Variants in GIMAP4 observed in about 807,000 individuals in gnomAD.
GIMAP4 encodes GTPase, IMAP family member 4.
In GIMAP4, 12 loss-of-function variants were observed where a neutral mutation model predicts 10.8. The ratio of observed to expected loss-of-function variants is 1.11; its 90% confidence interval spans 0.71 to 1.81. GIMAP4 has a LOEUF of 1.81. Among genes scored for constraint, GIMAP4 ranks in the 40% most tolerant of loss-of-function variants. The probability of loss-of-function intolerance (pLI) is 0.00; values close to 1 mark genes in which losing one functional copy is unlikely to be tolerated. For synonymous variants in GIMAP4, 149 were observed against 147.2 expected (o/e 1.01, Z -0.09); for missense variants, 412 against 404.6 (o/e 1.02, Z -0.16).
chr7:150,572,321 T>C lies in GIMAP4; in HGVS notation c.251T>C (p.Val84Ala). 1 of 1,614,124 alleles carries C rather than the reference T, an allele frequency of 6.2e-7. No homozygotes were observed. The highest frequency in any genetic ancestry group is 2.2e-5 in the East Asian group (1 of 44,876). ...SSWKETELVV[V>A]DTPGIFDTEV... is the part of the protein sequence containing the mutation. ...TGGAAGGAAACAGAACTTGTCGTAG[T>C]TGACACACCAGGCATTTTCGACACA... Residue 84 changes from valine (V) to alanine (A), a missense_variant, in exon 3 of 3, where the codon GTT (valine) becomes GCT (alanine). Physicochemically the swap from Val to Ala is moderately conservative, Grantham distance 64. Coordinates refer to ENST00000255945, the MANE Select transcript of GIMAP4 (RefSeq NM_018326.3).
intron 1 of GIMAP4, 92 bp from the exon 2 acceptor site, chr7:150,569,796 C>T (rs961793908): frequency 2.9e-6 from 2 of 691,860 alleles, no homozygotes; most frequent in African/African-American, 1.8e-5. Context: ...AAGCTCATGG[C>T]AAAAAGAAAG....
At chr7:150,570,379 T>G (rs1795715203) in intron 2 of GIMAP4, among the ~76,000 whole-genome samples, 1 of 152,178 alleles carries the variant, frequency 6.6e-6, no homozygotes, top group South Asian at 2.1e-4. Flanking sequence ...CACCCTGGTA[T>G]CTAATTTCCC....
chr7:150,570,040 G>A, intron 2 of GIMAP4, 81 bp downstream of exon 2: 1 of 731,312 alleles, frequency 1.4e-6, no homozygotes, highest in Non-Finnish European at 2.4e-6. Context: ...GGGGAATAGG[G>A]GTGGGGTTCT....
At position 150,573,661 on chromosome 7, in the gene GIMAP4, A is replaced by T. The variant is rs1439476734; in HGVS notation, c.*601A>T. ...TGGAAAATCGATCTCTACAAATTCAATTAAATAATGATCCCCAAATGCTGA... is the reference window on the plus strand; with the variant it reads ...TGGAAAATCGATCTCTACAAATTCATTTAAATAATGATCCCCAAATGCTGA... On this transcript the variant is annotated 3_prime_UTR_variant, in exon 3 of 3. Transcript: ENST00000255945. The T allele has an allele frequency of 1.3e-5, 2 of 152,300 alleles. No homozygotes were observed. The highest frequency in any genetic ancestry group is 2.4e-5 in the African/African-American group (1 of 41,460). The allele number at this position is 152,300 out of a possible 1,614,324, so 9.4% of individuals were successfully genotyped here.
At chr7:150,571,720 G>C (rs925060537) in intron 2 of GIMAP4, among the ~76,000 whole-genome samples, 1 of 152,224 alleles carries the variant, frequency 6.6e-6, no homozygotes, top group Non-Finnish European at 1.5e-5. Flanking sequence ...GGCAGAGGTT[G>C]TAGTGAGCCG....
chr7:150,572,782 C>A lies in GIMAP4; in HGVS notation c.712C>A (p.Gln238Lys), dbSNP rs1283606716. 1 of 1,613,954 alleles carries A rather than the reference C, an allele frequency of 6.2e-7. No homozygotes were observed. Among genetic ancestry groups the A allele is most frequent in the African/African-American group, 1.3e-5 (1 of 74,880 alleles). The change falls in exon 3 of 3, where the codon CAA becomes AAA. Residue 238 changes from glutamine (Q) to lysine (K), a missense_variant. Physicochemically the swap from Gln to Lys is moderately conservative, Grantham distance 53 (BLOSUM62 1). Transcript: ENST00000255945. ...GGAGGAGGAGATCCAGAAGCAAACACAAGCAATGCAAGAACTCCACAGAGT... is the reference window on the plus strand; with the variant it reads ...GGAGGAGGAGATCCAGAAGCAAACAAAAGCAATGCAAGAACTCCACAGAGT... ...RAEEEIQKQT[Q>K]AMQELHRVEL...
chr7:150,568,338 TAAAGAAATAGTCATTCA>T (rs1795688669), intron 1 of GIMAP4, among the ~76,000 whole-genome samples: 1 of 116,098 alleles, frequency 8.6e-6, no homozygotes, highest in Admixed American at 7.7e-5. Flanking sequence ...TCTTGAAGGA[TAAAGAAATAGTCATTCA>T]AAAGAAATAT....
Position 150,572,937 on chromosome 7 carries a change from C to T in GIMAP4, c.867C>T (p.His289=). 4 of 1,613,970 alleles carry T rather than the reference C, an allele frequency of 2.5e-6. No individual in the cohort carries two copies. Among genetic ancestry groups the T allele is most frequent in the Non-Finnish European group, 3.4e-6 (4 of 1,179,830 alleles). The part of the protein sequence containing the change: ...MEKKLAEQEA[H]YAVRQQRART... Reference sequence around the variant, plus strand: ...AGAAACTAGCAGAACAGGAGGCTCACTATGCTGTAAGGCAGCAAAGGGCAA... The same window carrying T: ...AGAAACTAGCAGAACAGGAGGCTCATTATGCTGTAAGGCAGCAAAGGGCAA... The change falls in exon 3 of 3, where the codon CAC becomes CAT. Residue 289 remains histidine, a synonymous_variant. Transcript: ENST00000255945.
In GIMAP4 at chr7:150,572,954, A is replaced by C; in HGVS notation, c.884A>C (p.Gln295Pro). Residue 295 changes from glutamine to proline, a missense_variant, in exon 3 of 3, where the codon CAA (glutamine) becomes CCA (proline). Physicochemically the swap from Gln to Pro is moderately conservative, Grantham distance 76 (BLOSUM62 -1). Transcript: ENST00000255945. ...GAGGCTCACTATGCTGTAAGGCAGCAAAGGGCAAGAACGGAAGTGGAGAGT... is the reference window on the plus strand; with the variant it reads ...GAGGCTCACTATGCTGTAAGGCAGCCAAGGGCAAGAACGGAAGTGGAGAGT... ...EQEAHYAVRQ[Q>P]RARTEVESKD... The C allele has an allele frequency of 2.5e-6, 4 of 1,614,008 alleles. No homozygotes were observed. Among genetic ancestry groups the C allele is most frequent in the Non-Finnish European group, 3.4e-6 (4 of 1,179,824 alleles).
rs1428207412 is a variant in GIMAP4, at chr7:150,573,881, C to T, written c.*821C>T. On this transcript the variant is annotated 3_prime_UTR_variant, in exon 3 of 3. Transcript: ENST00000255945. ...GAATACTTATTGTTTGGCAGGTCAT[C>T]CACACACTTCTGCCCCCACTGCATT... 1 of 152,210 alleles carries T rather than the reference C, an allele frequency of 6.6e-6. No individual in the cohort carries two copies. The highest frequency in any genetic ancestry group is 2.4e-5 in the African/African-American group (1 of 41,450). The allele number at this position is 152,210 out of a possible 1,614,324, so 9.4% of individuals were successfully genotyped here. A position where few individuals can be genotyped will look rare whatever the true frequency, so the allele number is the denominator to read the frequency against.
chr7:150,570,021 G>A (rs1164951587), intron 2 of GIMAP4, 62 bp downstream of exon 2: 1 of 791,436 alleles, frequency 1.3e-6, no homozygotes, highest in East Asian at 2.8e-5. Context: ...TGGGGGTGGG[G>A]GATTTGGGGG....
intron 2 of GIMAP4, 73 bp downstream of exon 2, chr7:150,570,032 G>T (rs754154813): frequency 1.5e-5 from 9 of 595,968 alleles, no homozygotes; most frequent in East Asian, 4.0e-5. Context: ...GATTTGGGGG[G>T]GAATAGGGGT....
chr7:150,572,894 G>A lies in GIMAP4; in HGVS notation c.824G>A (p.Arg275Lys). The change falls in exon 3 of 3, where the codon AGA (arginine) becomes AAA (lysine). Residue 275 changes from arginine to lysine, a missense_variant. Arg to Lys is a conservative substitution (Grantham distance 26, BLOSUM62 2). Transcript: ENST00000255945. ...GAAGATAAAGTGGAGCAGGAAAAGA[G>A]AAAGAAGCAAATGGAGAAGAAACTA... is the stretch of plus-strand genomic sequence containing the variant. ...KLEDKVEQEK[R>K]KKQMEKKLAE... 1.2e-6 allele frequency: 2 copies of A among 1,614,072 alleles called. No homozygotes were observed. Among genetic ancestry groups the A allele is most frequent in the African/African-American group, 1.3e-5 (1 of 75,040 alleles).
chr7:150,572,866 C>T lies in GIMAP4; in HGVS notation c.796C>T (p.Leu266=). The T allele has an allele frequency of 6.2e-7, 1 of 1,613,592 alleles. No individual in the cohort carries two copies. Among genetic ancestry groups the T allele is most frequent in the Non-Finnish European group, 8.5e-7 (1 of 1,179,820 alleles). The change falls in exon 3 of 3, where the codon CTG becomes TTG. Residue 266 remains leucine (L), a synonymous_variant. Transcript: ENST00000255945. ...REEYEEKIRK[L]EDKVEQEKRK... ...GGAGTATGAAGAGAAAATCAGAAAG[C>T]TGGAAGATAAAGTGGAGCAGGAAAA...
Position 150,569,932 on chromosome 7 carries a change from A to AT in GIMAP4, c.31_32insT (p.Asn11IlefsTer28). ...AGCCCAATACGGCAGTATGAGCTTC[A>AT]ACCCCAGCACACCAGGGGCCAGTTA... is the stretch of plus-strand genomic sequence containing the variant. On this transcript the variant is annotated frameshift_variant, in exon 2 of 3. Coordinates refer to ENST00000255945, the MANE Select transcript of GIMAP4 (RefSeq NM_018326.3). LOFTEE classifies it high-confidence loss of function. 1 of 1,582,188 alleles carries AT rather than the reference A, an allele frequency of 6.3e-7. No individual in the cohort carries two copies. The highest frequency in any genetic ancestry group is 8.6e-7 in the Non-Finnish European group (1 of 1,157,704).
Position 150,569,929 on chromosome 7 carries a change from T to TTGTTGAAGC in GIMAP4, c.29_30insGTTGAAGCT (p.Phe10delinsLeuLeuLysLeu). On this transcript the variant is annotated protein_altering_variant, in exon 2 of 3. Coordinates refer to ENST00000255945, the MANE Select transcript of GIMAP4 (RefSeq NM_018326.3). ...GGCAGCCCAATACGGCAGTATGAGC[T>TTGTTGAAGC]TCAACCCCAGCACACCAGGGGCCAG... The TTGTTGAAGC allele has an allele frequency of 6.3e-7, 1 of 1,596,548 alleles. No individual in the cohort carries two copies. Among genetic ancestry groups the TTGTTGAAGC allele is most frequent in the Non-Finnish European group, 8.6e-7 (1 of 1,166,152 alleles).
At chr7:150,569,432 C>T (rs60628216) in intron 1 of GIMAP4, among the ~76,000 whole-genome samples, 37,898 of 151,916 alleles carry the variant, frequency 0.25, 4,905 homozygotes, top group East Asian at 0.31. Context: ...ATCTGCTGAG[C>T]GGGGAGCCAG....
In GIMAP4 at chr7:150,572,683, T is replaced by A. The variant is rs200309309; in HGVS notation, c.613T>A (p.Leu205Met). 3.7e-6 allele frequency: 6 copies of A among 1,614,172 alleles called. No homozygotes were observed. The East Asian group carries it at 1.1e-4, about 30-fold the overall frequency. Reference protein sequence around the residue: ...GAEQEAQRAQLLGLIQRVVRE... With the variant: ...GAEQEAQRAQMLGLIQRVVRE... ...TGAGCAGGAGGCCCAGAGGGCACAG[T>A]TGCTGGGCCTGATCCAGCGCGTGGT... Residue 205 changes from leucine to methionine, a missense_variant, in exon 3 of 3, where the codon TTG becomes ATG. By Grantham distance (15) the Leu-to-Met change is conservative (BLOSUM62 2). Transcript: ENST00000255945.
intron 2 of GIMAP4, 161 bp downstream of exon 2, chr7:150,570,120 T>C: frequency 1.6e-6 from 1 of 632,648 alleles, no homozygotes; most frequent in South Asian, 1.8e-5. Flanking sequence ...CATTTTCTCC[T>C]CATTTGACCT....
Sources: gnomAD v4.1 joint callset for allele counts (sites outside exome capture counted in the v4.1 genomes callset) on GRCh38, gnomAD v4.1.1 for gene constraint, MANE v1.5 for transcripts, NCBI Gene and HGNC (gene_info 2026-07-23, HGNC 2026-07-21) for gene names.